DISC1: variants seen among roughly 807,000 people sequenced by gnomAD.
DISC1 encodes the protein DISC1 scaffold protein.
Under a neutral mutation model 84.5 loss-of-function variants are expected in DISC1, and 57 were observed. The ratio of observed to expected loss-of-function variants is 0.67; its 90% CI spans 0.55 to 0.84. The LOEUF is 0.84. Ranked by LOEUF, DISC1 falls within the 40% of genes least tolerant of loss-of-function variation. DISC1 has a pLI of 0.00. For missense variants in DISC1, 1,000 were observed against 1,057.8 expected, an observed-to-expected ratio of 0.95 and a Z score of 0.76; for synonymous variants, 411 against 415.2, an observed-to-expected ratio of 0.99 and a Z score of 0.12.
At chr1:231,685,703 G>A (rs745770984) in intron 1 of DISC1, among the ~76,000 whole-genome samples, 12 of 152,086 alleles carry the variant, frequency 7.9e-5, no homozygotes, top group South Asian at 2.1e-4. Flanking sequence ...TGCCTGCCTC[G>A]GCCTCCCAAA....
chr1:231,751,347 A>G (rs572308892), intron 4 of DISC1, among the ~76,000 whole-genome samples: 11 of 152,330 alleles, frequency 7.2e-5, no homozygotes, highest in Admixed American at 1.3e-4. Flanking sequence ...CTAATTTATT[A>G]TGTTTCTATT....
chr1:231,804,675 A>G lies in DISC1; in HGVS notation c.1792+4465A>G, dbSNP rs1178911564. On this transcript the variant is annotated intron_variant, in intron 8 of 12. Coordinates refer to ENST00000439617, the MANE Select transcript of DISC1 (RefSeq NM_018662.3). ...ATTGGCCACAGTGGAATGGAGCTAG[A>G]TATGCCTGGGCTGAATATGGAGGAA... 2.6e-5 allele frequency among the ~76,000 whole-genome samples: 4 copies of G among 152,162 alleles called. No individual in the cohort carries two copies. The East Asian group carries it at 7.7e-4, about 29-fold the overall frequency.
In DISC1 at chr1:232,031,469, G is replaced by A. The variant is rs578194092; in HGVS notation, c.2425+4917G>A. Among the ~76,000 whole-genome samples the A allele has an allele frequency of 6.6e-6, 1 of 150,962 alleles. No individual in the cohort carries two copies. Among genetic ancestry groups the A allele is most frequent in the Admixed American group, 6.6e-5 (1 of 15,160 alleles). Reference sequence around the variant, plus strand: ...GGAAAGGAGAAGGGAAGGGAGAAGGGAAGGGAGCAAAAGGGAAGGAAAGAA... The same window carrying A: ...GGAAAGGAGAAGGGAAGGGAGAAGGAAAGGGAGCAAAAGGGAAGGAAAGAA... On this transcript the variant is annotated intron_variant, in intron 12 of 12. Transcript: ENST00000439617. The surrounding 1 kb of genome is among the most constrained non-coding windows in gnomAD (Gnocchi z 4.6).
intron 9 of DISC1, among the ~76,000 whole-genome samples, chr1:231,884,285 A>G (rs1048688838): frequency 9.2e-5 from 14 of 152,192 alleles, no homozygotes; most frequent in Non-Finnish European, 1.8e-4. Context: ...CAATAACAGG[A>G]AAATCAGAAA....
At chr1:231,971,667 AC>A (rs1413484205) in intron 10 of DISC1, among the ~76,000 whole-genome samples, 1 of 152,202 alleles carries the variant, frequency 6.6e-6, no homozygotes, top group African/African-American at 2.4e-5. Context: ...GGATGCTGAC[AC>A]CAGGATGGGT....
intron 11 of DISC1, among the ~76,000 whole-genome samples, chr1:232,011,972 C>T (rs1314543152): frequency 6.6e-6 from 1 of 152,110 alleles, no homozygotes; most frequent in Non-Finnish European, 1.5e-5. Context: ...AAAAACACCA[C>T]CACGACATAA....
chr1:231,648,883 T>G (rs567146280), intron 1 of DISC1, among the ~76,000 whole-genome samples: 2 of 152,338 alleles, frequency 1.3e-5, no homozygotes, highest in South Asian at 4.1e-4. Context: ...TAGTTTGTAT[T>G]TCTGTGGGAT....
intron 9 of DISC1, among the ~76,000 whole-genome samples, chr1:231,859,894 C>T (rs1574296827): frequency 2.0e-5 from 3 of 152,174 alleles, no homozygotes; most frequent in Admixed American, 2.0e-4. Flanking sequence ...CGTTGGGGCT[C>T]CTCTTTCCCA....
chr1:231,986,828 T>G (rs774520256), intron 10 of DISC1, among the ~76,000 whole-genome samples: 1 of 152,108 alleles, frequency 6.6e-6, no homozygotes, highest in Non-Finnish European at 1.5e-5. Flanking sequence ...TGCTTAAAGT[T>G]TGGTGTCTCA....
At chr1:231,788,558 A>G (rs2078065503) in intron 6 of DISC1, among the ~76,000 whole-genome samples, 1 of 152,242 alleles carries the variant, frequency 6.6e-6, no homozygotes, top group Non-Finnish European at 1.5e-5. Context: ...TATGGAGGTC[A>G]GGACATCAAC....
At chr1:231,660,674 C>T (rs532502364) in intron 1 of DISC1, among the ~76,000 whole-genome samples, 5 of 152,146 alleles carry the variant, frequency 3.3e-5, no homozygotes, top group Admixed American at 1.3e-4. Flanking sequence ...AGGCTGGTCT[C>T]GAACTCTTGA....
At chr1:231,837,291 C>T (rs1273207790) in intron 9 of DISC1, among the ~76,000 whole-genome samples, 1 of 152,152 alleles carries the variant, frequency 6.6e-6, no homozygotes, top group Admixed American at 6.5e-5. Context: ...TAAACCAGCT[C>T]GTGGCTGTCA....
chr1:231,719,304 A>G (rs1182705658), intron 3 of DISC1, among the ~76,000 whole-genome samples: 3 of 152,230 alleles, frequency 2.0e-5, no homozygotes, highest in African/African-American at 4.8e-5. Flanking sequence ...AGAACTTAGC[A>G]TAGTGCTTGG....
At chr1:231,679,287 G>C (rs923677676) in intron 1 of DISC1, among the ~76,000 whole-genome samples, 3 of 152,338 alleles carry the variant, frequency 2.0e-5, no homozygotes, top group Middle Eastern at 3.4e-3. Context: ...GCCTGGCTGA[G>C]ATATCTAAGA....
intron 9 of DISC1, among the ~76,000 whole-genome samples, chr1:231,860,637 C>T (rs529998629): frequency 6.6e-6 from 1 of 152,216 alleles, no homozygotes; most frequent in East Asian, 1.9e-4. Context: ...CATTTTTTCC[C>T]TCCTGGCTCC....
intron 1 of DISC1, among the ~76,000 whole-genome samples, chr1:231,670,924 CTT>C (rs1229714974): frequency 3.9e-5 from 6 of 152,122 alleles, no homozygotes; most frequent in Admixed American, 3.9e-4. Flanking sequence ...TTTTTATTGT[CTT>C]TATAATGTCT....
At chr1:231,841,228 C>T (rs1203854960) in intron 9 of DISC1, among the ~76,000 whole-genome samples, 3 of 152,204 alleles carry the variant, frequency 2.0e-5, no homozygotes, top group Admixed American at 2.0e-4. Flanking sequence ...CTAAGCATTT[C>T]AGATAAGGGA....
At chr1:231,995,715 C>A (rs1665857881) in intron 10 of DISC1, among the ~76,000 whole-genome samples, 1 of 151,416 alleles carries the variant, frequency 6.6e-6, no homozygotes, top group Admixed American at 6.6e-5. Context: ...GTATATGTGC[C>A]ACATTTTCTT....
chr1:231,847,451 A>T (rs2083537963), intron 9 of DISC1, among the ~76,000 whole-genome samples: 1 of 152,192 alleles, frequency 6.6e-6, no homozygotes, highest in Non-Finnish European at 1.5e-5. Flanking sequence ...TTATAAGAAG[A>T]GAATTTAAAA....
Sources: allele counts gnomAD v4.1 joint callset (sites outside exome capture counted in the v4.1 genomes callset), GRCh38; gene constraint gnomAD v4.1.1; non-coding constraint Gnocchi (gnomAD v3.1); transcripts MANE v1.5; gene names NCBI Gene and HGNC (gene_info 2026-07-23, HGNC 2026-07-21).